TMCO4: variants seen among roughly 807,000 people sequenced by gnomAD.
The protein encoded by TMCO4 is transmembrane and coiled-coil domain-containing protein 4.
In TMCO4, 58 loss-of-function variants were observed where a neutral mutation model predicts 64.7. That is an observed-to-expected ratio of 0.90 (90% CI 0.73 to 1.12). The LOEUF (loss-of-function observed/expected upper bound fraction) is 1.12. TMCO4 is among the 50% of genes most tolerant of loss of function. The probability of loss-of-function intolerance (pLI) is 0.00; values close to 1 mark genes in which losing one functional copy is unlikely to be tolerated. For synonymous variants in TMCO4, 325 were observed against 346.1 expected (o/e 0.94, Z 0.68); for missense variants, 780 against 825.9 (o/e 0.94, Z 0.68).
At chr1:19,754,679 C>T (rs1392072947) in intron 7 of TMCO4, among the ~76,000 whole-genome samples, 4 of 152,222 alleles carry the variant, frequency 2.6e-5, no homozygotes, top group East Asian at 1.9e-4. Context: ...CTGTGTAAAG[C>T]GTTCTGCAAA....
At chr1:19,764,482 C>T (rs12407158) in intron 6 of TMCO4, among the ~76,000 whole-genome samples, 3,288 of 152,272 alleles carry the variant, frequency 0.022, 72 homozygotes, top group East Asian at 0.065. Flanking sequence ...CACACGGGGC[C>T]GGGCATACAC....
chr1:19,744,783 C>T (rs1396607769), intron 10 of TMCO4, among the ~76,000 whole-genome samples: 2 of 152,170 alleles, frequency 1.3e-5, no homozygotes, highest in Non-Finnish European at 2.9e-5. Context: ...TCAGAACCTT[C>T]CCCAGAAACA....
rs557024222 is a variant in TMCO4, at chr1:19,757,709, T to C, written c.383-1943A>G. ...CTCTCTCAGTATCTTCCCCATTTGA[T>C]TGTACTCATCATATCTTACTAGACT... On this transcript the variant is annotated intron_variant, in intron 6 of 15. Coordinates refer to ENST00000294543, the MANE Select transcript of TMCO4 (RefSeq NM_181719.7). Among the ~76,000 whole-genome samples, 19 of 152,240 alleles carry C rather than the reference T, an allele frequency of 1.2e-4. 1 individual carries two copies. The East Asian group carries it at 2.9e-3, about 23-fold the overall frequency.
chr1:19,768,093 C>CAAA (rs35417457), intron 6 of TMCO4, among the ~76,000 whole-genome samples: 1 of 89,592 alleles, frequency 1.1e-5, no homozygotes, highest in Non-Finnish European at 2.4e-5. Context: ...AACTTCATCT[C>CAAA]AAAAAAAAAA....
rs1185834999 is a variant in TMCO4, at chr1:19,725,450, C to T, written c.1264+11922G>A. Among the ~76,000 whole-genome samples the T allele has an allele frequency of 2.6e-5, 4 of 152,272 alleles. No homozygotes were observed. In the East Asian group the frequency reaches 5.8e-4, roughly 22 times the overall value. Reference sequence around the variant, plus strand: ...GTCAGTTGGAATTGAGTTTGCTTTCCAACTACTTAATTTTTCAAAGACTTT... The same window carrying T: ...GTCAGTTGGAATTGAGTTTGCTTTCTAACTACTTAATTTTTCAAAGACTTT... On this transcript the variant is annotated intron_variant, in intron 13 of 15. Coordinates refer to ENST00000294543, the MANE Select transcript of TMCO4 (RefSeq NM_181719.7).
At chr1:19,721,217 CCTT>C (rs1328350747) in intron 13 of TMCO4, among the ~76,000 whole-genome samples, 3 of 152,158 alleles carry the variant, frequency 2.0e-5, no homozygotes, top group African/African-American at 7.2e-5. Context: ...GAGGGGATCT[CCTT>C]CTGAGACTCA....
At chr1:19,742,208 A>C (rs1344666601) in intron 10 of TMCO4, among the ~76,000 whole-genome samples, 1 of 151,380 alleles carries the variant, frequency 6.6e-6, no homozygotes, top group Admixed American at 6.6e-5. Context: ...AAACAAATGC[A>C]CCCTCCACTT....
chr1:19,786,526 T>C (rs1401607278), intron 3 of TMCO4, among the ~76,000 whole-genome samples: 1 of 152,168 alleles, frequency 6.6e-6, no homozygotes, highest in African/African-American at 2.4e-5. Context: ...ACCAAAAAGA[T>C]GTTTGGTGCG....
At chr1:19,777,410 C>T (rs115628952) in intron 4 of TMCO4, among the ~76,000 whole-genome samples, 3,304 of 150,844 alleles carry the variant, frequency 0.022, 69 homozygotes, top group East Asian at 0.055. Context: ...TGCAGTGGCA[C>T]GATCACAGCT....
intron 4 of TMCO4, among the ~76,000 whole-genome samples, chr1:19,775,448 G>T (rs1339846132): frequency 6.6e-6 from 1 of 152,172 alleles, no homozygotes. Flanking sequence ...TGGAATCCAG[G>T]CTTCCTGATT....
chr1:19,780,585 T>C lies in TMCO4; in HGVS notation c.174A>G (p.Glu58=), dbSNP rs777992620. The part of the protein sequence containing the change: ...ISLSQLFPEP[E]HSSFCTEFMA... ...TGCAAGACAGAAGAACTCACCTGTG[T>C]TCGGGTTCAGGAAATAACTGGGACA... The change falls in exon 4 of 16, where the codon GAA becomes GAG. Residue 58 remains glutamate (E), a synonymous_variant. Coordinates refer to ENST00000294543, the MANE Select transcript of TMCO4 (RefSeq NM_181719.7). The C allele has an allele frequency of 1.9e-6, 3 of 1,598,564 alleles. No homozygotes were observed. The highest frequency in any genetic ancestry group is 2.6e-6 in the Non-Finnish European group (3 of 1,173,218).
intron 3 of TMCO4, among the ~76,000 whole-genome samples, chr1:19,783,425 T>G (rs1427278914): frequency 1.3e-5 from 2 of 152,232 alleles, no homozygotes; most frequent in African/African-American, 4.8e-5. Flanking sequence ...TTTGTTCCCA[T>G]CTAGCTGAGC....
chr1:19,713,822 T>A (rs924093270), intron 13 of TMCO4, among the ~76,000 whole-genome samples: 17 of 152,244 alleles, frequency 1.1e-4, no homozygotes, highest in Non-Finnish European at 2.2e-4. Flanking sequence ...ATTCTCTTTT[T>A]CTTGGGGATT....
At chr1:19,718,563 G>T (rs1265844730) in intron 13 of TMCO4, among the ~76,000 whole-genome samples, 1 of 142,512 alleles carries the variant, frequency 7.0e-6, no homozygotes, top group African/African-American at 2.6e-5. Flanking sequence ...TGCAGTGGGA[G>T]GCATTTGAGC....
At chr1:19,771,662 T>C (rs1186848655) in intron 4 of TMCO4, among the ~76,000 whole-genome samples, 180 bp from the exon 5 acceptor site, 1 of 152,208 alleles carries the variant, frequency 6.6e-6, no homozygotes, top group Admixed American at 6.5e-5. Flanking sequence ...TTTTGTTTTT[T>C]GTTTTTGTTT....
At chr1:19,717,297 CAGG>C (rs898417574) in intron 13 of TMCO4, among the ~76,000 whole-genome samples, 4 of 152,310 alleles carry the variant, frequency 2.6e-5, no homozygotes. Flanking sequence ...ATGGGGTGTT[CAGG>C]AGGAGGTCCC....
At chr1:19,694,957 C>T (rs114586579) in intron 14 of TMCO4, among the ~76,000 whole-genome samples, 1 of 152,358 alleles carries the variant, frequency 6.6e-6, no homozygotes, top group African/African-American at 2.4e-5. Context: ...GGAAAGGTGG[C>T]TTGTCCAGGG....
chr1:19,701,079 T>C (rs771551436), intron 13 of TMCO4, 194 bp from the exon 14 acceptor site: 3 of 526,602 alleles, frequency 5.7e-6, no homozygotes, highest in Non-Finnish European at 1.0e-5. Flanking sequence ...TGGAGGCTTC[T>C]ACCTACTGAG....
intron 6 of TMCO4, among the ~76,000 whole-genome samples, chr1:19,763,930 T>C (rs1016140414): frequency 2.0e-5 from 3 of 152,182 alleles, no homozygotes; most frequent in African/African-American, 7.2e-5. Flanking sequence ...TCAGGACATC[T>C]TGGGGATGAT....
Sources: gnomAD v4.1 joint callset for allele counts (sites outside exome capture counted in the v4.1 genomes callset) on GRCh38, gnomAD v4.1.1 for gene constraint, MANE v1.5 for transcripts, NCBI Gene and HGNC (gene_info 2026-07-23, HGNC 2026-07-21) for gene names.